Variants in RALYL observed in about 807,000 individuals in gnomAD.
The protein encoded by RALYL is RNA-binding Raly-like protein.
A neutral mutation model predicts 35.1 loss-of-function variants in RALYL; 29 were observed. The observed-to-expected ratio is 0.83, with a 90% CI of 0.61 to 1.13. The LOEUF is 1.13. RALYL is among the 50% of genes most tolerant of loss of function. The pLI is 0.00. For missense variants in RALYL, 359 were observed against 360.4 expected (o/e 1.00, Z 0.03); for synonymous variants, 120 against 127.6 (o/e 0.94, Z 0.40).
intron 1 of RALYL, among the ~76,000 whole-genome samples, chr8:84,386,054 A>G (rs1000628585): frequency 6.6e-6 from 1 of 151,838 alleles, no homozygotes; most frequent in African/African-American, 2.4e-5. Context: ...CTTGGGAAAG[A>G]GAGGCATCTT....
chr8:84,499,540 A>G (rs1214881177), intron 1 of RALYL, among the ~76,000 whole-genome samples: 1 of 152,140 alleles, frequency 6.6e-6, no homozygotes, highest in Non-Finnish European at 1.5e-5. Flanking sequence ...AGCAGAGACA[A>G]CAGAGACCTG....
intron 1 of RALYL, among the ~76,000 whole-genome samples, chr8:84,499,100 T>C (rs1433132079): frequency 2.6e-5 from 4 of 151,956 alleles, no homozygotes; most frequent in Non-Finnish European, 4.4e-5. Flanking sequence ...TCTTTTTTTT[T>C]TTTTTAATTA....
chr8:84,551,376 A>G (rs1047172383), intron 2 of RALYL, among the ~76,000 whole-genome samples: 2 of 152,176 alleles, frequency 1.3e-5, no homozygotes, highest in East Asian at 1.9e-4. Context: ...ATTCTAACTC[A>G]GAATCATTTG....
chr8:84,402,409 A>G (rs2043004511), intron 1 of RALYL, among the ~76,000 whole-genome samples: 1 of 152,150 alleles, frequency 6.6e-6, no homozygotes, highest in South Asian at 2.1e-4. Flanking sequence ...AGATTTTAAT[A>G]TATAGACTAC....
At chr8:84,525,331 T>G (rs1282031276) in intron 1 of RALYL, among the ~76,000 whole-genome samples, 1 of 152,178 alleles carries the variant, frequency 6.6e-6, no homozygotes, top group African/African-American at 2.4e-5. Context: ...TGTTTTTTAG[T>G]TGTAACATTT....
chr8:84,373,179 T>C (rs1856254077), intron 1 of RALYL, among the ~76,000 whole-genome samples: 1 of 151,782 alleles, frequency 6.6e-6, no homozygotes, highest in African/African-American at 2.4e-5. Flanking sequence ...GTCCTCCCAT[T>C]CTGTAGGTTG....
At chr8:84,693,768 T>C (rs1838566325) in intron 2 of RALYL, among the ~76,000 whole-genome samples, 2 of 151,896 alleles carry the variant, frequency 1.3e-5, no homozygotes, top group African/African-American at 2.4e-5. Context: ...TCAGTGATCA[T>C]TATCAAGTGG....
At chr8:84,817,275 T>G (rs188713146) in intron 4 of RALYL, among the ~76,000 whole-genome samples, 210 of 152,264 alleles carry the variant, frequency 1.4e-3, no homozygotes, top group African/African-American at 4.9e-3. Flanking sequence ...TATGAAAACT[T>G]TATTAAACCT....
chr8:84,538,893 A>G (rs1168866722), intron 2 of RALYL, among the ~76,000 whole-genome samples: 3 of 152,236 alleles, frequency 2.0e-5, no homozygotes, highest in Non-Finnish European at 4.4e-5. Context: ...AAAAAGTATT[A>G]TAAGGTTGTT....
At chr8:84,829,641 A>G (rs976844519) in intron 4 of RALYL, among the ~76,000 whole-genome samples, 1 of 152,168 alleles carries the variant, frequency 6.6e-6, no homozygotes, top group Non-Finnish European at 1.5e-5. Flanking sequence ...CAATCAAACC[A>G]AACACACTGT....
intron 1 of RALYL, among the ~76,000 whole-genome samples, chr8:84,460,352 T>G (rs1215327699): frequency 1.3e-5 from 2 of 151,764 alleles, no homozygotes; most frequent in African/African-American, 4.8e-5. Context: ...CCAGGTATAT[T>G]TGTATACTTG....
At chr8:84,202,305 T>C (rs1000256641) in intron 1 of RALYL, among the ~76,000 whole-genome samples, 3 of 151,916 alleles carry the variant, frequency 2.0e-5, no homozygotes, top group Non-Finnish European at 4.4e-5. Flanking sequence ...GGGTTAGATT[T>C]ACTTAAAGAT....
At chr8:84,389,341 C>T (rs1226059241) in intron 1 of RALYL, among the ~76,000 whole-genome samples, 1 of 151,892 alleles carries the variant, frequency 6.6e-6, no homozygotes, top group African/African-American at 2.4e-5. Flanking sequence ...TTTTTGGTTC[C>T]ACATGAACTT....
chr8:84,414,457 G>A (rs1246961127), intron 1 of RALYL, among the ~76,000 whole-genome samples: 1 of 152,112 alleles, frequency 6.6e-6, no homozygotes, highest in Non-Finnish European at 1.5e-5. Context: ...CAGGTGAAGG[G>A]AATTAAAGAA....
chr8:84,645,864 A>C (rs578109542), intron 2 of RALYL, among the ~76,000 whole-genome samples: 9 of 152,098 alleles, frequency 5.9e-5, no homozygotes, highest in African/African-American at 1.7e-4. Flanking sequence ...GTCTATTCTC[A>C]TGCTTTTGTA....
intron 2 of RALYL, among the ~76,000 whole-genome samples, chr8:84,638,965 G>GAC (rs60361195): frequency 0.37 from 42,893 of 116,028 alleles, 8,753 homozygotes; most frequent in South Asian, 0.52. Context: ...CACACACACA[G>GAC]ACACACACAC....
intron 2 of RALYL, among the ~76,000 whole-genome samples, chr8:84,671,823 C>T (rs1026135460): frequency 6.6e-6 from 1 of 152,194 alleles, no homozygotes; most frequent in Non-Finnish European, 1.5e-5. Context: ...TTGACATGCC[C>T]TGGAAACATT....
At chr8:84,599,697 C>T (rs1406688506) in intron 2 of RALYL, among the ~76,000 whole-genome samples, 2 of 151,982 alleles carry the variant, frequency 1.3e-5, no homozygotes, top group East Asian at 3.9e-4. Context: ...ATCATTCATT[C>T]TTTTCACCCT....
chr8:84,520,344 A>C lies in RALYL; in HGVS notation c.-23-8955A>C, dbSNP rs2058368986. 1.3e-5 allele frequency among the ~76,000 whole-genome samples: 2 copies of C among 152,224 alleles called. 1 individual carries two copies. The highest frequency in any genetic ancestry group is 4.1e-4 in the South Asian group (2 of 4,836). On this transcript the variant is annotated intron_variant, in intron 1 of 8. Coordinates refer to ENST00000521268, the MANE Select transcript of RALYL (RefSeq NM_173848.7). ...AATTATATCAGTTTGGTCACATTCC[A>C]GAGAATATGGAGAGAATATGAATGT...
Sources: gnomAD v4.1 joint callset for allele counts (sites outside exome capture counted in the v4.1 genomes callset) on GRCh38, gnomAD v4.1.1 for gene constraint, MANE v1.5 for transcripts, NCBI Gene and HGNC (gene_info 2026-07-23, HGNC 2026-07-21) for gene names.